EXOC4: variants seen among roughly 807,000 people sequenced by gnomAD.
EXOC4 encodes exocyst complex component 4.
Under a neutral mutation model 107.2 loss-of-function variants are expected in EXOC4, and 71 were observed. That is an observed-to-expected ratio of 0.66 (90% confidence interval 0.55 to 0.81). The LOEUF is 0.81. Among genes scored for constraint, EXOC4 ranks in the 30% least tolerant of loss-of-function variants. The probability of loss-of-function intolerance (pLI) is 0.00; values close to 1 mark genes in which losing one functional copy is unlikely to be tolerated. For missense variants in EXOC4, 1,108 were observed against 1,189.6 expected, an observed-to-expected ratio of 0.93 and a Z score of 1.01; for synonymous variants, 456 against 441.2, an observed-to-expected ratio of 1.03 and a Z score of -0.42.
intron 13 of EXOC4, among the ~76,000 whole-genome samples, chr7:133,920,015 A>G (rs954015125): frequency 3.3e-5 from 5 of 152,230 alleles, no homozygotes; most frequent in Non-Finnish European, 5.9e-5. Flanking sequence ...GCAAGGAACA[A>G]GAGCTCCTGT....
chr7:134,047,364 G>A (rs1474741370), intron 17 of EXOC4, among the ~76,000 whole-genome samples: 2 of 152,002 alleles, frequency 1.3e-5, no homozygotes, highest in Non-Finnish European at 2.9e-5. Context: ...ACATTGTGGA[G>A]CAGCCTCAGT....
intron 9 of EXOC4, among the ~76,000 whole-genome samples, chr7:133,614,667 T>C (rs1802146959): frequency 6.6e-6 from 1 of 151,776 alleles, no homozygotes; most frequent in African/African-American, 2.4e-5. Flanking sequence ...GAAAATGCCA[T>C]GAAAACCACC....
At chr7:133,922,451 C>T (rs1585250879) in intron 13 of EXOC4, among the ~76,000 whole-genome samples, 1 of 152,002 alleles carries the variant, frequency 6.6e-6, no homozygotes, top group Non-Finnish European at 1.5e-5. Context: ...TCTTATTTTC[C>T]ACATTATGTG....
chr7:134,097,885 C>T, the EXOC4 span, among the ~76,000 whole-genome samples: 17 of 152,126 alleles, frequency 1.1e-4, no homozygotes, highest in African/African-American at 3.6e-4. Context: ...CCTGGAAATC[C>T]GACTTGGATC....
intron 7 of EXOC4, among the ~76,000 whole-genome samples, chr7:133,431,970 C>G (rs1441657125): frequency 6.6e-6 from 1 of 152,140 alleles, no homozygotes; most frequent in Non-Finnish European, 1.5e-5. Flanking sequence ...AGATTTCCCC[C>G]TTTTTGTAAC....
intron 7 of EXOC4, among the ~76,000 whole-genome samples, chr7:133,452,436 G>A (rs1241123826): frequency 6.6e-6 from 1 of 151,638 alleles, no homozygotes; most frequent in African/African-American, 2.4e-5. Flanking sequence ...ATGAGAAGCA[G>A]CAAATGTTGT....
chr7:133,469,567 G>A (rs1173106731), intron 7 of EXOC4, among the ~76,000 whole-genome samples: 1 of 152,152 alleles, frequency 6.6e-6, no homozygotes, highest in Non-Finnish European at 1.5e-5. Context: ...AATGTCAATA[G>A]ATTCATATTA....
intron 17 of EXOC4, among the ~76,000 whole-genome samples, chr7:134,057,731 C>T (rs1045694784): frequency 1.5e-4 from 23 of 152,090 alleles, no homozygotes; most frequent in Non-Finnish European, 5.9e-5. Context: ...AGAAAAACAA[C>T]ATCAGCTAAT....
the EXOC4 span, among the ~76,000 whole-genome samples, chr7:134,082,359 G>T: frequency 3.9e-5 from 6 of 152,178 alleles, no homozygotes; most frequent in Admixed American, 6.5e-5. Context: ...GAGTGTAGCA[G>T]TGAGGATGAC....
At chr7:133,734,458 A>G (rs145509208) in intron 10 of EXOC4, among the ~76,000 whole-genome samples, 73 of 143,240 alleles carry the variant, frequency 5.1e-4, no homozygotes, top group African/African-American at 1.8e-3. Flanking sequence ...CGAGATGGTT[A>G]TGAGGTTGAA....
the EXOC4 span, among the ~76,000 whole-genome samples, chr7:134,099,189 A>G: frequency 6.6e-6 from 1 of 152,176 alleles, no homozygotes; most frequent in Non-Finnish European, 1.5e-5. Context: ...CTAATCCCAT[A>G]AATGGTGTCC....
At chr7:134,084,380 G>C in the EXOC4 span, among the ~76,000 whole-genome samples, 2 of 152,188 alleles carry the variant, frequency 1.3e-5, no homozygotes, top group Non-Finnish European at 2.9e-5. Context: ...TACACAAAAA[G>C]TGCCTGAGGA....
Position 133,317,301 on chromosome 7 carries a change from C to A in EXOC4, c.674C>A (p.Ala225Asp). 1 of 1,613,084 alleles carries A rather than the reference C, an allele frequency of 6.2e-7. No individual in the cohort carries two copies. The highest frequency in any genetic ancestry group is 8.5e-7 in the Non-Finnish European group (1 of 1,179,088). Residue 225 changes from alanine (A) to aspartate (D), a missense_variant, in exon 5 of 18, where the codon GCT becomes GAT. Transcript: ENST00000253861. ...CCGTTCAGCTCCCTCGTGAAAGATG[C>A]TTCTGTTCCTCTGATTGATGTTACA... ...KGKISSLVKD[A>D]SVPLIDVTNL...
chr7:133,845,741 G>A lies in EXOC4; in HGVS notation c.1734+28197G>A, dbSNP rs116772175. 2.3e-3 allele frequency among the ~76,000 whole-genome samples: 351 copies of A among 152,210 alleles called. 2 individuals carry two copies. The highest frequency in any genetic ancestry group is 7.8e-3 in the African/African-American group (323 of 41,502). On this transcript the variant is annotated intron_variant, in intron 11 of 17. Transcript: ENST00000253861. ...ATATACTTCATGTTGCATGCAGTGAGCTAAAGGAAGCTTTGCTTACTTTCA... is the reference window on the plus strand; with the variant it reads ...ATATACTTCATGTTGCATGCAGTGAACTAAAGGAAGCTTTGCTTACTTTCA...
intron 6 of EXOC4, among the ~76,000 whole-genome samples, chr7:133,369,549 T>C (rs766889713): frequency 1.1e-4 from 16 of 152,176 alleles, no homozygotes; most frequent in Non-Finnish European, 2.1e-4. Context: ...TCTTCCTCTC[T>C]AGTTACTTTC....
At chr7:134,052,672 C>G (rs1442094803) in intron 17 of EXOC4, among the ~76,000 whole-genome samples, 1 of 152,126 alleles carries the variant, frequency 6.6e-6, no homozygotes, top group African/African-American at 2.4e-5. Flanking sequence ...GATTAATCTT[C>G]AAACCTAATG....
In EXOC4 at chr7:133,682,540, G is replaced by T. The variant is rs145930917; in HGVS notation, c.1514+52399G>T. On this transcript the variant is annotated intron_variant, in intron 10 of 17. Coordinates refer to ENST00000253861, the MANE Select transcript of EXOC4 (RefSeq NM_021807.4). ...TAAACCTCTTTTTGTTCCCAGTTTT[G>T]GGTATATCTTTATCAGCAGCATCAA... Among the ~76,000 whole-genome samples the T allele has an allele frequency of 4.9e-3, 749 of 152,166 alleles. 4 individuals carry two copies. Among genetic ancestry groups the T allele is most frequent in the Middle Eastern group, 0.027 (8 of 294 alleles).
chr7:134,055,087 G>A (rs777882706), intron 17 of EXOC4, among the ~76,000 whole-genome samples: 3 of 152,110 alleles, frequency 2.0e-5, no homozygotes, highest in Admixed American at 1.3e-4. Context: ...ATATGTTTAC[G>A]CTTCTCAAAT....
At chr7:134,052,054 A>G (rs1231177109) in intron 17 of EXOC4, among the ~76,000 whole-genome samples, 1 of 152,228 alleles carries the variant, frequency 6.6e-6, no homozygotes, top group Non-Finnish European at 1.5e-5. Flanking sequence ...CTGTCAAGGA[A>G]AAGAGGACTT....
Sources: gnomAD v4.1 joint callset for allele counts (sites outside exome capture counted in the v4.1 genomes callset) on GRCh38, gnomAD v4.1.1 for gene constraint, MANE v1.5 for transcripts, NCBI Gene and HGNC (gene_info 2026-07-23, HGNC 2026-07-21) for gene names.